GUCY1A1: variants seen among roughly 807,000 people sequenced by gnomAD.
GUCY1A1 encodes the protein guanylate cyclase soluble subunit alpha-1.
Under a neutral mutation model 64.5 loss-of-function variants are expected in GUCY1A1, and 48 were observed. That is an observed-to-expected ratio of 0.74 (90% CI 0.59 to 0.95). The LOEUF (loss-of-function observed/expected upper bound fraction) is 0.95. Among genes scored for constraint, GUCY1A1 ranks in the 40% least tolerant of loss-of-function variants. GUCY1A1 has a pLI of 0.00. For missense variants in GUCY1A1, 804 were observed against 825.3 expected (o/e 0.97, Z 0.32); for synonymous variants, 308 against 303.4 (o/e 1.02, Z -0.16).
In GUCY1A1 at chr4:155,713,250, C is replaced by CT. The variant is rs776073922; in HGVS notation, c.1241dup (p.Leu414PhefsTer24). ...TTCACAATGCACTGAGGGATGTGGTCTTAATAGGGGAACAAGCCCGAGCTC... is the reference window on the plus strand; with the variant it reads ...TTCACAATGCACTGAGGGATGTGGTCTTTAATAGGGGAACAAGCCCGAGCTC... On this transcript the variant is annotated frameshift_variant, in exon 7 of 10. Coordinates refer to ENST00000506455, the MANE Select transcript of GUCY1A1 (RefSeq NM_001130682.3). LOFTEE classifies it high-confidence loss of function. 1 of 1,614,062 alleles carries CT rather than the reference C, an allele frequency of 6.2e-7. No individual in the cohort carries two copies. Among genetic ancestry groups the CT allele is most frequent in the Non-Finnish European group, 8.5e-7 (1 of 1,179,992 alleles).
intron 9 of GUCY1A1, 161 bp downstream of exon 9, chr4:155,722,353 A>G (rs1427373861): frequency 1.4e-6 from 2 of 1,425,752 alleles, no homozygotes; most frequent in African/African-American, 1.4e-5. Context: ...ACTTTTTTAC[A>G]CTGCTTATTA....
At chr4:155,706,447 G>A (rs568967561) in intron 4 of GUCY1A1, among the ~76,000 whole-genome samples, 2 of 151,436 alleles carry the variant, frequency 1.3e-5, no homozygotes, top group Non-Finnish European at 2.9e-5. Flanking sequence ...TCTCTTCTAC[G>A]AATTGACAAA....
chr4:155,709,120 C>T (rs895584073), intron 5 of GUCY1A1, among the ~76,000 whole-genome samples: 2 of 152,154 alleles, frequency 1.3e-5, no homozygotes, highest in Non-Finnish European at 2.9e-5. Context: ...AACACAAACA[C>T]ACTTTTCCAC....
chr4:155,729,196 C>T (rs1735188624), intron 9 of GUCY1A1, among the ~76,000 whole-genome samples: 1 of 151,846 alleles, frequency 6.6e-6, no homozygotes, highest in East Asian at 1.9e-4. Flanking sequence ...AAATGCTTTT[C>T]TGTAGAAATT....
At chr4:155,703,091 T>C (rs1015453791) in intron 3 of GUCY1A1, among the ~76,000 whole-genome samples, 1 of 152,056 alleles carries the variant, frequency 6.6e-6, no homozygotes, top group Non-Finnish European at 1.5e-5. Flanking sequence ...TTATCAATGC[T>C]CTACTTTCCA....
In GUCY1A1 at chr4:155,713,443, A is replaced by G. The variant is rs1311214607; in HGVS notation, c.1432A>G (p.Ser478Gly). Reference protein sequence around the residue: ...QGQVVQAKKFSNVTMLFSDIV... With the variant: ...QGQVVQAKKFGNVTMLFSDIV... ...GCAAGTTGTGCAAGCCAAGAAGTTC[A>G]GTAATGTCACCATGCTCTTCTCAGA... Residue 478 changes from serine to glycine, a missense_variant, in exon 7 of 10, where the codon AGT becomes GGT. Ser to Gly is a moderately conservative substitution (Grantham distance 56, BLOSUM62 0). Coordinates refer to ENST00000506455, the MANE Select transcript of GUCY1A1 (RefSeq NM_001130682.3). 3 of 1,614,208 alleles carry G rather than the reference A, an allele frequency of 1.9e-6. No individual in the cohort carries two copies. Among genetic ancestry groups the G allele is most frequent in the Non-Finnish European group, 2.5e-6 (3 of 1,180,026 alleles).
intron 3 of GUCY1A1, among the ~76,000 whole-genome samples, chr4:155,698,906 T>C (rs1196668649): frequency 1.3e-5 from 2 of 152,206 alleles, no homozygotes; most frequent in East Asian, 3.9e-4. Context: ...GCTCTATTTT[T>C]GTGGTTATCT....
chr4:155,698,599 CATACACAT>C (rs1335423713), intron 3 of GUCY1A1, among the ~76,000 whole-genome samples: 2 of 152,150 alleles, frequency 1.3e-5, no homozygotes, highest in Admixed American at 1.3e-4. Flanking sequence ...CAATGGAAGT[CATACACAT>C]ATTGGACTCT....
Position 155,704,628 on chromosome 4 carries a change from A to G in GUCY1A1, c.317+635A>G, listed in dbSNP as rs149288783. 3.2e-3 allele frequency among the ~76,000 whole-genome samples: 489 copies of G among 152,310 alleles called. 2 individuals are homozygous for G. The highest frequency in any genetic ancestry group is 0.011 in the African/African-American group (468 of 41,572). Reference sequence around the variant, plus strand: ...CTAACTAGTTTGGTTGCACTGCAGAACATCAGTTTGTTTATACTTTTTTTC... The same window carrying G: ...CTAACTAGTTTGGTTGCACTGCAGAGCATCAGTTTGTTTATACTTTTTTTC... On this transcript the variant is annotated intron_variant, in intron 4 of 9. Coordinates refer to ENST00000506455, the MANE Select transcript of GUCY1A1 (RefSeq NM_001130682.3).
In GUCY1A1 at chr4:155,731,430, C is replaced by A. The variant is rs569152741; in HGVS notation, c.*1199C>A. The A allele has an allele frequency of 6.6e-6, 1 of 151,532 alleles. No homozygotes were observed. Among genetic ancestry groups the A allele is most frequent in the African/African-American group, 2.4e-5 (1 of 41,318 alleles). 9.4% of individuals were successfully genotyped at this position (151,532 alleles called of 1,614,324 possible). A position where few individuals can be genotyped will look rare whatever the true frequency, so the allele number is the denominator to read the frequency against. On this transcript the variant is annotated 3_prime_UTR_variant, in exon 10 of 10. Transcript: ENST00000506455. ...TTGAAATATCTTGACTTAAAAAAAA[C>A]GACTGTTAGTATTGATGAAGCAAAT...
chr4:155,722,084 G>C lies in GUCY1A1; in HGVS notation c.1763G>C (p.Gly588Ala). The C allele has an allele frequency of 6.2e-7, 1 of 1,613,624 alleles. No homozygotes were observed. The highest frequency in any genetic ancestry group is 1.1e-5 in the South Asian group (1 of 91,044). The part of the protein sequence containing the change: ...HSGSVFAGVV[G>A]VKMPRYCLFG... ...GGATCAGTTTTTGCTGGCGTCGTTG[G>C]AGTTAAAATGCCCCGTTACTGTCTT... Residue 588 changes from glycine (G) to alanine (A), a missense_variant, in exon 9 of 10, where the codon GGA (glycine) becomes GCA (alanine). Coordinates refer to ENST00000506455, the MANE Select transcript of GUCY1A1 (RefSeq NM_001130682.3).
chr4:155,717,035 C>A (rs1468437032), intron 7 of GUCY1A1, 124 bp from the exon 8 acceptor site: 2 of 657,320 alleles, frequency 3.0e-6, no homozygotes, highest in Non-Finnish European at 4.9e-6. Flanking sequence ...ATCTGATTAA[C>A]CCTGATCCTC....
rs1396330588 is a variant in GUCY1A1, at chr4:155,734,686, C to G, written c.*4455C>G. On this transcript the variant is annotated 3_prime_UTR_variant, in exon 10 of 10. Transcript: ENST00000506455. ...TGCGATTCCTGTGAGGAGGGACTTA[C>G]CGTCTCCTCCAAAACAGAAATTCAG... 1 of 151,940 alleles carries G rather than the reference C, an allele frequency of 6.6e-6. No individual in the cohort carries two copies. Among genetic ancestry groups the G allele is most frequent in the East Asian group, 1.9e-4 (1 of 5,146 alleles). The allele number at this position is 151,940 out of a possible 1,614,324, so 9.4% of individuals were successfully genotyped here.
At chr4:155,671,770 A>G (rs1734172870) in intron 2 of GUCY1A1, among the ~76,000 whole-genome samples, 1 of 152,148 alleles carries the variant, frequency 6.6e-6, no homozygotes, top group African/African-American at 2.4e-5. Context: ...GTATTTATAG[A>G]AAATGCTTTT....
chr4:155,669,740 A>T (rs1012276478), intron 2 of GUCY1A1, among the ~76,000 whole-genome samples: 6 of 152,210 alleles, frequency 3.9e-5, no homozygotes, highest in Non-Finnish European at 8.8e-5. Flanking sequence ...ATTGAAAAAA[A>T]TTAAATGTTT....
Position 155,730,476 on chromosome 4 carries a change from C to A in GUCY1A1, c.*245C>A, listed in dbSNP as rs1424858525. ...TGTGGGAGTATTTCTATTATATAAC[C>A]AGCACTTACTACCTGTACTCAAAAT... On this transcript the variant is annotated 3_prime_UTR_variant, in exon 10 of 10. Coordinates refer to ENST00000506455, the MANE Select transcript of GUCY1A1 (RefSeq NM_001130682.3). The A allele has an allele frequency of 2.8e-6, 1 of 355,472 alleles. No homozygotes were observed. 22.0% of individuals were successfully genotyped at this position (355,472 alleles called of 1,614,324 possible).
At chr4:155,691,613 A>C (rs921874355) in intron 2 of GUCY1A1, among the ~76,000 whole-genome samples, 1 of 152,170 alleles carries the variant, frequency 6.6e-6, no homozygotes, top group African/African-American at 2.4e-5. Context: ...TACTCTTAAA[A>C]ATCTGGACTT....
intron 4 of GUCY1A1, among the ~76,000 whole-genome samples, chr4:155,705,390 A>G (rs1028776838): frequency 1.1e-4 from 17 of 152,030 alleles, no homozygotes; most frequent in African/African-American, 4.1e-4. Context: ...CTCTACTAAA[A>G]ACACAAAAAT....
intron 2 of GUCY1A1, among the ~76,000 whole-genome samples, chr4:155,681,649 T>G (rs1020966359): frequency 6.6e-6 from 1 of 152,194 alleles, no homozygotes; most frequent in African/African-American, 2.4e-5. Flanking sequence ...TCATTCTCAT[T>G]GTACTTTTCT....
Sources: gnomAD v4.1 joint callset for allele counts (sites outside exome capture counted in the v4.1 genomes callset) on GRCh38, gnomAD v4.1.1 for gene constraint, MANE v1.5 for transcripts, NCBI Gene and HGNC (gene_info 2026-07-23, HGNC 2026-07-21) for gene names.